TESPA1: variants seen among roughly 807,000 people sequenced by gnomAD.
TESPA1 encodes thymocyte expressed, positive selection associated 1.
TESPA1 carries 33 observed loss-of-function variants against 57.9 expected under a neutral mutation model. That is an observed-to-expected ratio of 0.57 (90% CI 0.43 to 0.76). The LOEUF (loss-of-function observed/expected upper bound fraction) is 0.76, where lower values mean the gene tolerates loss of function less well. Among genes scored for constraint, TESPA1 ranks in the 30% least tolerant of loss-of-function variants. TESPA1 has a pLI of 0.00. For missense variants in TESPA1, 618 were observed against 632.9 expected (o/e 0.98, Z 0.25); for synonymous variants, 227 against 228.9 (o/e 0.99, Z 0.07).
At chr12:54,973,363 A>C in intron 3 of TESPA1, 114 bp downstream of exon 3, 2 of 1,478,046 alleles carry the variant, frequency 1.4e-6, no homozygotes, top group Non-Finnish European at 1.9e-6. Flanking sequence ...CCTTACTTCT[A>C]ATCTTTAGGC....
At chr12:54,966,502 A>C in intron 5 of TESPA1, 78 bp from the exon 6 acceptor site, 1 of 1,519,862 alleles carries the variant, frequency 6.6e-7, no homozygotes, top group Non-Finnish European at 8.9e-7. Flanking sequence ...CTGAACCTAA[A>C]ACTCAGTCCC....
In TESPA1 at chr12:54,970,003, T is replaced by A. The variant is rs1006045943; in HGVS notation, c.207-2111A>T. On this transcript the variant is annotated intron_variant, in intron 3 of 10. Transcript: ENST00000449076. ...TTGGAGCACAGTGAGAATAGCTCAC[T>A]GTAGCCTTGAACTCCTAAGCCCAAG... is the stretch of plus-strand genomic sequence containing the variant. 2.6e-5 allele frequency among the ~76,000 whole-genome samples: 4 copies of A among 152,198 alleles called. No individual in the cohort carries two copies. The East Asian group carries it at 7.7e-4, about 29-fold the overall frequency.
chr12:54,965,525 G>A (rs577261073), intron 7 of TESPA1, among the ~76,000 whole-genome samples: 4 of 152,260 alleles, frequency 2.6e-5, no homozygotes, highest in Admixed American at 1.3e-4. Context: ...GGACACGAAC[G>A]CGTTCCTTTT....
chr12:54,978,109 G>A (rs185206393), intron 1 of TESPA1, among the ~76,000 whole-genome samples: 35 of 152,126 alleles, frequency 2.3e-4, no homozygotes, highest in Middle Eastern at 3.4e-3. Context: ...ATTAAAAAGC[G>A]AGTGCACACA....
In TESPA1 at chr12:54,967,832, C is replaced by T. The variant is rs1951543373; in HGVS notation, c.256+11G>A. 6.2e-7 allele frequency: 1 copy of T among 1,613,458 alleles called. No individual in the cohort carries two copies. The highest frequency in any genetic ancestry group is 1.3e-5 in the African/African-American group (1 of 74,890). ...GTAGAAGAAAAATAGATGGACAGAA[C>T]CTATACTCACCATTGTAGATAAACT... On this transcript the variant is annotated intron_variant, in intron 4 of 10. Transcript: ENST00000449076.
At position 54,963,966 on chromosome 12, in the gene TESPA1, T is replaced by C; in HGVS notation, c.447-16A>G. 1 of 1,610,148 alleles carries C rather than the reference T, an allele frequency of 6.2e-7. No homozygotes were observed. Among genetic ancestry groups the C allele is most frequent in the Non-Finnish European group, 8.5e-7 (1 of 1,176,628 alleles). ...TTCTGAGATGCTGAAATGAGGGAGT[T>C]TGGGTAAATAAGGGACAACTTTGAG... On this transcript the variant is annotated splice_polypyrimidine_tract_variant and intron_variant, in intron 7 of 10. Coordinates refer to ENST00000449076, the MANE Select transcript of TESPA1 (RefSeq NM_001136030.3).
intron 7 of TESPA1, among the ~76,000 whole-genome samples, chr12:54,965,585 C>T (rs951660445): frequency 6.6e-6 from 1 of 152,190 alleles, no homozygotes; most frequent in Non-Finnish European, 1.5e-5. Context: ...TTTATCCAGT[C>T]TATCACTGAT....
rs71070858 is a variant in TESPA1 at position 54,969,046 on chromosome 12, T to TATATATATATATATATATATATATAC, written c.207-1155_207-1154insGTATATATATATATATATATATATAT. Among the ~76,000 whole-genome samples, 187 of 124,296 alleles carry TATATATATATATATATATATATATAC rather than the reference T, an allele frequency of 1.5e-3. 9 individuals carry two copies. The highest frequency in any genetic ancestry group is 7.8e-3 in the East Asian group (17 of 2,166). 81.5% of individuals were successfully genotyped at this position (124,296 alleles called of 152,430 possible). On this transcript the variant is annotated intron_variant, in intron 3 of 10. Transcript: ENST00000449076. Reference sequence around the variant, plus strand: ...GTATATATATATATATATATATATATGTGTGTGTGTAGATAGATAGATATA... The same window carrying TATATATATATATATATATATATATAC: ...GTATATATATATATATATATATATATATATATATATATATATATATATATACGTGTGTGTGTAGATAGATAGATATA...
chr12:54,974,529 C>A lies in TESPA1; in HGVS notation c.34G>T (p.Glu12Ter). The A allele has an allele frequency of 6.2e-7, 1 of 1,600,150 alleles. No individual in the cohort carries two copies. The highest frequency in any genetic ancestry group is 8.5e-7 in the Non-Finnish European group (1 of 1,173,340). The change falls in exon 2 of 11, where the codon GAG becomes TAG. Residue 12 changes from glutamate to a stop codon, truncating the protein, a stop_gained. Transcript: ENST00000449076. LOFTEE classifies it high-confidence loss of function. ...TGACGGAGCCAGGCCCGCCGTTTCT[C>A]CCAGGATGTGGGGCTCAGCACAGAG... ...EASVLSPTSWEKRRAWLRQSR... is the reference protein window; with the variant it reads ...EASVLSPTSW
chr12:54,966,190 C>T (rs767506119), intron 6 of TESPA1, 39 bp from the exon 7 acceptor site: 1 of 1,562,728 alleles, frequency 6.4e-7, no homozygotes, highest in Non-Finnish European at 8.7e-7. Context: ...AATCTTGTTT[C>T]CAGTCTGCAC....
At chr12:54,975,909 T>A (rs905437387) in intron 1 of TESPA1, among the ~76,000 whole-genome samples, 3 of 152,154 alleles carry the variant, frequency 2.0e-5, no homozygotes, top group African/African-American at 7.2e-5. Context: ...GAAAAAATAA[T>A]ACATAATTAC....
At chr12:54,951,845 AGTT>A (rs772661931) in intron 10 of TESPA1, among the ~76,000 whole-genome samples, 14 of 150,050 alleles carry the variant, frequency 9.3e-5, no homozygotes, top group Non-Finnish European at 1.3e-4. Flanking sequence ...AATATTTCTA[AGTT>A]GTTTTTTTTT....
chr12:54,969,833 G>A (rs1043232973), intron 3 of TESPA1, among the ~76,000 whole-genome samples: 3 of 152,182 alleles, frequency 2.0e-5, no homozygotes, highest in African/African-American at 4.8e-5. Context: ...CGAAACGGAC[G>A]GAAAGGAGGC....
intron 3 of TESPA1, among the ~76,000 whole-genome samples, chr12:54,968,433 T>A (rs550742378): frequency 6.6e-6 from 1 of 152,324 alleles, no homozygotes; most frequent in Non-Finnish European, 1.5e-5. Context: ...AGACATGGTC[T>A]TATCAAACAT....
chr12:54,979,778 T>A (rs1328090219), intron 1 of TESPA1, among the ~76,000 whole-genome samples: 2 of 152,208 alleles, frequency 1.3e-5, no homozygotes. Flanking sequence ...AGGTATGTCA[T>A]AATTATGACT....
rs768808903 is a variant in TESPA1, at chr12:54,962,966, C to A, written c.932G>T (p.Ser311Ile). ...PPPHNTPKRN[S>I]LDQVVLEVMD... Reference sequence around the variant, plus strand: ...CACTTCCAACACAACTTGGTCCAAACTGTTCCTTTTGGGGGTGTTGTGGGG... The same window carrying A: ...CACTTCCAACACAACTTGGTCCAAAATGTTCCTTTTGGGGGTGTTGTGGGG... The change falls in exon 9 of 11, where the codon AGT becomes ATT. Residue 311 changes from serine to isoleucine, a missense_variant. Ser to Ile is a moderately radical substitution (Grantham distance 142). Transcript: ENST00000449076. 2 of 1,613,700 alleles carry A rather than the reference C, an allele frequency of 1.2e-6. No individual in the cohort carries two copies. The highest frequency in any genetic ancestry group is 1.7e-6 in the Non-Finnish European group (2 of 1,179,832).
At chr12:54,977,420 A>G (rs1179893728) in intron 1 of TESPA1, among the ~76,000 whole-genome samples, 1 of 152,206 alleles carries the variant, frequency 6.6e-6, no homozygotes, top group Non-Finnish European at 1.5e-5. Context: ...AAAGTTGGAG[A>G]AAAGAGAGAT....
chr12:54,967,799 C>T (rs762791682), intron 4 of TESPA1, 44 bp downstream of exon 4: 1 of 1,610,118 alleles, frequency 6.2e-7, no homozygotes, highest in Non-Finnish European at 8.5e-7. Flanking sequence ...AGGTATATCA[C>T]TCTCCAGGTA....
intron 3 of TESPA1, among the ~76,000 whole-genome samples, chr12:54,971,528 C>T (rs945822910): frequency 1.3e-5 from 2 of 152,128 alleles, no homozygotes; most frequent in Non-Finnish European, 2.9e-5. Flanking sequence ...CCAACAATTC[C>T]CCTTCCAAAG....
Sources: gnomAD v4.1 joint callset for allele counts (sites outside exome capture counted in the v4.1 genomes callset) on GRCh38, gnomAD v4.1.1 for gene constraint, MANE v1.5 for transcripts, NCBI Gene and HGNC (gene_info 2026-07-23, HGNC 2026-07-21) for gene names.